The following SMARCC1 variants were observed in gnomAD, a reference collection of about 807,000 sequenced individuals.
The protein encoded by SMARCC1 is SWI/SNF related BAF chromatin remodeling complex subunit C1, also known as SWI/SNF complex subunit SMARCC1.
SMARCC1 carries 43 observed loss-of-function variants against 147.4 expected under a neutral mutation model. The observed-to-expected ratio is 0.29, with a 90% confidence interval of 0.23 to 0.38. The LOEUF (loss-of-function observed/expected upper bound fraction) is 0.38, where lower values mean the gene tolerates loss of function less well. Among genes scored for constraint, SMARCC1 ranks in the 10% least tolerant of loss-of-function variants. The probability of loss-of-function intolerance (pLI) is 1.00; values close to 1 mark genes in which losing one functional copy is unlikely to be tolerated. For synonymous variants in SMARCC1, 495 were observed against 484.4 expected (o/e 1.02, Z -0.29); for missense variants, 1,119 against 1,381.1 (o/e 0.81, Z 3.01).
intron 12 of SMARCC1, among the ~76,000 whole-genome samples, chr3:47,690,082 G>A (rs1021876012): frequency 2.0e-5 from 3 of 152,162 alleles, no homozygotes; most frequent in African/African-American, 7.2e-5. Flanking sequence ...GATGCTGGGT[G>A]CAGCAGTGCA....
chr3:47,720,184 C>T (rs1033054129), intron 7 of SMARCC1, among the ~76,000 whole-genome samples: 6 of 152,092 alleles, frequency 3.9e-5, no homozygotes, highest in African/African-American at 1.2e-4. Context: ...AGGGAAACGG[C>T]GCAATCTCGG....
intron 11 of SMARCC1, among the ~76,000 whole-genome samples, chr3:47,699,350 CT>C (rs2033890663): frequency 6.6e-6 from 1 of 152,060 alleles, no homozygotes; most frequent in African/African-American, 2.4e-5. Flanking sequence ...CCTTTAATCC[CT>C]CCATCTGGAG....
chr3:47,705,075 G>A (rs571814129), intron 10 of SMARCC1, among the ~76,000 whole-genome samples: 6 of 151,198 alleles, frequency 4.0e-5, no homozygotes, highest in Non-Finnish European at 7.4e-5. Context: ...TGTAATCCCA[G>A]CACTTTGGGA....
chr3:47,661,464 A>G lies in SMARCC1; in HGVS notation c.2159-9T>C. ...GACCCGAGAAAACTCCTCTGGTTCA[A>G]GAATAAAAATGGAACAGCAATCTAA... On this transcript the variant is annotated splice_polypyrimidine_tract_variant and intron_variant, in intron 20 of 27. Coordinates refer to ENST00000254480, the MANE Select transcript of SMARCC1 (RefSeq NM_003074.4). 6.3e-7 allele frequency: 1 copy of G among 1,591,294 alleles called. No homozygotes were observed. The highest frequency in any genetic ancestry group is 1.1e-5 in the South Asian group (1 of 87,120).
At chr3:47,651,565 TACA>T (rs963084979) in intron 21 of SMARCC1, among the ~76,000 whole-genome samples, 1 of 152,206 alleles carries the variant, frequency 6.6e-6, no homozygotes, top group Non-Finnish European at 1.5e-5. Context: ...ACTGGATGCC[TACA>T]TAGCAGTCTT....
intron 11 of SMARCC1, among the ~76,000 whole-genome samples, chr3:47,700,975 C>T (rs1397329562): frequency 6.6e-6 from 1 of 152,146 alleles, no homozygotes; most frequent in East Asian, 1.9e-4. Flanking sequence ...ATAAGTTAAA[C>T]TATATATAGG....
At chr3:47,609,297 C>A (rs1297547156) in intron 26 of SMARCC1, among the ~76,000 whole-genome samples, 1 of 152,106 alleles carries the variant, frequency 6.6e-6, no homozygotes, top group Non-Finnish European at 1.5e-5. Flanking sequence ...GAGATCGAGA[C>A]CATCCTGGCG....
intron 3 of SMARCC1, among the ~76,000 whole-genome samples, chr3:47,740,850 CAAA>C (rs60339024): frequency 2.6e-5 from 2 of 77,864 alleles, no homozygotes; most frequent in Admixed American, 1.3e-4. Context: ...GACTCTGACT[CAAA>C]AAAAAAAAAA....
intron 18 of SMARCC1, among the ~76,000 whole-genome samples, chr3:47,673,308 C>T (rs12633604): frequency 0.6 from 89,049 of 148,328 alleles, 27,747 homozygotes; most frequent in East Asian, 0.73. Context: ...GAGAACTGGT[C>T]GAACCCGGGA....
chr3:47,665,354 TA>T (rs1347844880), intron 19 of SMARCC1, among the ~76,000 whole-genome samples: 1 of 152,086 alleles, frequency 6.6e-6, no homozygotes, highest in Non-Finnish European at 1.5e-5. Context: ...AAAAGAAAAA[TA>T]AATCTCACTC....
At chr3:47,650,301 T>TAATAATAATA (rs56812175) in intron 21 of SMARCC1, among the ~76,000 whole-genome samples, 236 of 129,460 alleles carry the variant, frequency 1.8e-3, no homozygotes, top group African/African-American at 4.4e-3. Context: ...TAATAATAAT[T>TAATAATAATA]ATTATTATTA....
At chr3:47,595,034 T>G (rs1417621374) in intron 26 of SMARCC1, among the ~76,000 whole-genome samples, 2 of 151,762 alleles carry the variant, frequency 1.3e-5, no homozygotes, top group Non-Finnish European at 2.9e-5. Flanking sequence ...TTGGGATTGG[T>G]TTTTTTTCAC....
chr3:47,747,316 T>G (rs552460553), intron 2 of SMARCC1, among the ~76,000 whole-genome samples: 1 of 151,312 alleles, frequency 6.6e-6, no homozygotes, highest in African/African-American at 2.4e-5. Flanking sequence ...AGTGTGCCTG[T>G]AGCCCCAGCT....
chr3:47,676,516 G>T, intron 17 of SMARCC1, 113 bp downstream of exon 17: 2 of 763,644 alleles, frequency 2.6e-6, no homozygotes, highest in Non-Finnish European at 4.2e-6. Flanking sequence ...AAGGATCAAA[G>T]AAATAGCACT....
rs71070209 is a variant in SMARCC1 at position 47,682,294 on chromosome 3, C to CAA, written c.1386-1788_1386-1787dup. On this transcript the variant is annotated intron_variant, in intron 14 of 27. Coordinates refer to ENST00000254480, the MANE Select transcript of SMARCC1 (RefSeq NM_003074.4). ...TGGGGGACAGAGCAAGACTCCGTTT[C>CAA]AAAAAAAAAAAAAAAACAAACAACA... Among the ~76,000 whole-genome samples the CAA allele has an allele frequency of 8.5e-3, 785 of 92,132 alleles. 4 individuals are homozygous for CAA. Among genetic ancestry groups the CAA allele is most frequent in the East Asian group, 0.011 (35 of 3,130 alleles). 60.4% of individuals were successfully genotyped at this position (92,132 alleles called of 152,430 possible). A position where few individuals can be genotyped will look rare whatever the true frequency, so the allele number is the denominator to read the frequency against.
At chr3:47,628,702 C>T (rs1339068832) in intron 24 of SMARCC1, among the ~76,000 whole-genome samples, 1 of 152,100 alleles carries the variant, frequency 6.6e-6, no homozygotes, top group African/African-American at 2.4e-5. Context: ...GTAACTGGGC[C>T]TACAGGCACG....
intron 21 of SMARCC1, among the ~76,000 whole-genome samples, chr3:47,652,049 G>A (rs1424957220): frequency 7.2e-5 from 11 of 152,166 alleles, no homozygotes. Context: ...GTGGATCACA[G>A]CTCTCTGTAG....
At chr3:47,743,744 T>C (rs1234646656) in intron 3 of SMARCC1, among the ~76,000 whole-genome samples, 2 of 148,132 alleles carry the variant, frequency 1.4e-5, no homozygotes, top group African/African-American at 5.0e-5. Flanking sequence ...ACCTGGGAGG[T>C]AGAGGTTGCA....
At chr3:47,760,496 T>C (rs969016079) in intron 2 of SMARCC1, among the ~76,000 whole-genome samples, 4 of 151,940 alleles carry the variant, frequency 2.6e-5, no homozygotes, top group Non-Finnish European at 5.9e-5. Flanking sequence ...ACCCAGTTTC[T>C]ACTAAAAATA....
Sources: gnomAD v4.1 joint callset for allele counts (sites outside exome capture counted in the v4.1 genomes callset) on GRCh38, gnomAD v4.1.1 for gene constraint, MANE v1.5 for transcripts, NCBI Gene and HGNC (gene_info 2026-07-23, HGNC 2026-07-21) for gene names.